The following GPC5 variants were observed in gnomAD, a reference collection of about 807,000 sequenced individuals.
The protein encoded by GPC5 is glypican-5.
Under a neutral mutation model 53.9 loss-of-function variants are expected in GPC5, and 47 were observed. That is an observed-to-expected ratio of 0.87 (90% CI 0.69 to 1.11). The LOEUF is 1.11. Among genes scored for constraint, GPC5 ranks in the 50% most tolerant of loss-of-function variants. GPC5 has a pLI of 0.00. For missense variants in GPC5, 748 were observed against 713.1 expected (o/e 1.05, Z -0.56); for synonymous variants, 286 against 263.3 (o/e 1.09, Z -0.84).
intron 7 of GPC5, among the ~76,000 whole-genome samples, chr13:92,347,493 A>C (rs1216787774): frequency 2.6e-5 from 4 of 152,060 alleles, no homozygotes; most frequent in Non-Finnish European, 5.9e-5. Context: ...AATGAAAGCA[A>C]AGGGATGTCA....
intron 6 of GPC5, among the ~76,000 whole-genome samples, chr13:92,016,598 C>A (rs1166086159): frequency 1.3e-5 from 2 of 152,090 alleles, no homozygotes; most frequent in South Asian, 2.1e-4. Flanking sequence ...CCAATACACG[C>A]CTAAGCTTTT....
chr13:92,773,145 T>G (rs1157470085), intron 7 of GPC5, among the ~76,000 whole-genome samples: 1 of 152,118 alleles, frequency 6.6e-6, no homozygotes, highest in African/African-American at 2.4e-5. Flanking sequence ...ACAGTAGCAT[T>G]TTTCCAGAAT....
intron 7 of GPC5, among the ~76,000 whole-genome samples, chr13:92,742,951 T>C (rs1246678912): frequency 6.6e-6 from 1 of 152,152 alleles, no homozygotes; most frequent in East Asian, 1.9e-4. Flanking sequence ...ATCTCTGTTT[T>C]GGTACCAGTA....
At chr13:92,198,733 T>C (rs760491992) in intron 7 of GPC5, among the ~76,000 whole-genome samples, 1 of 152,182 alleles carries the variant, frequency 6.6e-6, no homozygotes, top group Non-Finnish European at 1.5e-5. Context: ...ATTCGTACAA[T>C]CTTTGCAAGT....
intron 2 of GPC5, among the ~76,000 whole-genome samples, chr13:91,651,533 AAC>A (rs1324525267): frequency 2.0e-5 from 3 of 152,154 alleles, no homozygotes; most frequent in African/African-American, 7.2e-5. Context: ...CTGCCTGACC[AAC>A]ATGGAGAAAC....
intron 7 of GPC5, among the ~76,000 whole-genome samples, chr13:92,207,353 A>C (rs1377684304): frequency 6.6e-6 from 1 of 152,258 alleles, no homozygotes; most frequent in Non-Finnish European, 1.5e-5. Flanking sequence ...TTTTAAAGGT[A>C]TAATTTCTTG....
At position 91,623,371 on chromosome 13, in the gene GPC5, T is replaced by C. The variant is rs1287775848; in HGVS notation, c.326-69816T>C. Among the ~76,000 whole-genome samples, 9 of 152,102 alleles carry C rather than the reference T, an allele frequency of 5.9e-5. No homozygotes were observed. In the East Asian group the frequency reaches 1.7e-3, roughly 29 times the overall value. On this transcript the variant is annotated intron_variant, in intron 2 of 7. Coordinates refer to ENST00000377067, the MANE Select transcript of GPC5 (RefSeq NM_004466.6). Reference sequence around the variant, plus strand: ...ATGCAAGGGAAAGTCCCTCACAGCATGAGACCTTCTCGAGACCATGGTGCA... The same window carrying C: ...ATGCAAGGGAAAGTCCCTCACAGCACGAGACCTTCTCGAGACCATGGTGCA...
At chr13:92,261,202 C>T (rs1195075881) in intron 7 of GPC5, among the ~76,000 whole-genome samples, 1 of 152,082 alleles carries the variant, frequency 6.6e-6, no homozygotes, top group African/African-American at 2.4e-5. Context: ...CAACTGAACA[C>T]TAGTTACCAA....
At chr13:91,661,956 A>G (rs898520037) in intron 2 of GPC5, among the ~76,000 whole-genome samples, 3 of 152,216 alleles carry the variant, frequency 2.0e-5, no homozygotes, top group African/African-American at 7.2e-5. Flanking sequence ...ATGTCTTAGA[A>G]ATTTCATTAA....
chr13:92,755,321 T>C (rs1874812468), intron 7 of GPC5, among the ~76,000 whole-genome samples: 1 of 138,462 alleles, frequency 7.2e-6, no homozygotes, highest in South Asian at 2.8e-4. Context: ...CTGGGACGCA[T>C]TCAAAGCAGT....
chr13:92,173,108 G>A (rs2042082335), intron 7 of GPC5, among the ~76,000 whole-genome samples: 1 of 151,748 alleles, frequency 6.6e-6, no homozygotes, highest in South Asian at 2.1e-4. Context: ...GTCCAAAGGG[G>A]AAATCCTTTG....
intron 2 of GPC5, among the ~76,000 whole-genome samples, chr13:91,544,964 A>G (rs1016990981): frequency 1.3e-5 from 2 of 152,208 alleles, no homozygotes; most frequent in Non-Finnish European, 2.9e-5. Context: ...CACTGTCTCA[A>G]CAGCCAACAC....
At chr13:92,649,507 G>A (rs753437231) in intron 7 of GPC5, among the ~76,000 whole-genome samples, 1 of 152,054 alleles carries the variant, frequency 6.6e-6, no homozygotes, top group Non-Finnish European at 1.5e-5. Flanking sequence ...ACTGCCAATG[G>A]TATGACACTC....
At chr13:91,586,805 T>C (rs2032614242) in intron 2 of GPC5, among the ~76,000 whole-genome samples, 1 of 151,372 alleles carries the variant, frequency 6.6e-6, no homozygotes, top group Non-Finnish European at 1.5e-5. Flanking sequence ...ATTGATTTTG[T>C]GGTCTTGGGA....
At chr13:92,470,355 C>T (rs1467590708) in intron 7 of GPC5, among the ~76,000 whole-genome samples, 1 of 152,046 alleles carries the variant, frequency 6.6e-6, no homozygotes, top group Non-Finnish European at 1.5e-5. Flanking sequence ...ACGATATTGA[C>T]TTTCTTTTTT....
At chr13:92,461,090 G>A (rs76123743) in intron 7 of GPC5, among the ~76,000 whole-genome samples, 4,156 of 152,050 alleles carry the variant, frequency 0.027, 86 homozygotes, top group Non-Finnish European at 0.039. Flanking sequence ...TCCATTAAGA[G>A]CATCAGGAGA....
chr13:92,825,228 G>A (rs928020612), intron 7 of GPC5, among the ~76,000 whole-genome samples: 1 of 152,042 alleles, frequency 6.6e-6, no homozygotes, highest in African/African-American at 2.4e-5. Context: ...AAGTCAAAAG[G>A]CATTAAGAAT....
At chr13:92,464,557 C>A (rs759179661) in intron 7 of GPC5, among the ~76,000 whole-genome samples, 16 of 152,190 alleles carry the variant, frequency 1.1e-4, no homozygotes, top group Middle Eastern at 3.4e-3. Context: ...CCATCAATTT[C>A]ACCATGATTA....
intron 7 of GPC5, among the ~76,000 whole-genome samples, chr13:92,298,947 G>A (rs1397935375): frequency 2.0e-5 from 3 of 152,116 alleles, no homozygotes; most frequent in Admixed American, 6.5e-5. Flanking sequence ...TTGGACACTT[G>A]CTGATGAAAA....
Sources: gnomAD v4.1 joint callset for allele counts (sites outside exome capture counted in the v4.1 genomes callset) on GRCh38, gnomAD v4.1.1 for gene constraint, MANE v1.5 for transcripts, NCBI Gene and HGNC (gene_info 2026-07-23, HGNC 2026-07-21) for gene names.